Variants in MACROD1 observed in about 807,000 individuals in gnomAD.
MACROD1 encodes mono-ADP ribosylhydrolase 1.
A neutral mutation model predicts 41.4 loss-of-function variants in MACROD1; 31 were observed. The observed-to-expected ratio is 0.75, with a 90% CI of 0.56 to 1.01. The LOEUF (loss-of-function observed/expected upper bound fraction) is 1.01, where lower values mean the gene tolerates loss of function less well. Among genes scored for constraint, MACROD1 ranks in the 50% least tolerant of loss-of-function variants. The probability of loss-of-function intolerance (pLI) is 0.00; values close to 1 mark genes in which losing one functional copy is unlikely to be tolerated. For synonymous variants in MACROD1, 252 were observed against 203.4 expected (o/e 1.24, Z -2.03); for missense variants, 473 against 460.0 (o/e 1.03, Z -0.26).
intron 3 of MACROD1, chr11:64,116,635 T>A: frequency 6.2e-7 from 1 of 1,614,122 alleles, no homozygotes; most frequent in Non-Finnish European, 8.5e-7. Flanking sequence ...GAGTTCCCCA[T>A]CAACCTGCCC....
intron 3 of MACROD1, among the ~76,000 whole-genome samples, chr11:64,046,118 T>C (rs978599068): frequency 6.6e-6 from 1 of 152,064 alleles, no homozygotes; most frequent in African/African-American, 2.4e-5. Context: ...ACACAGGTTC[T>C]GAGCGGCAGG....
chr11:64,160,276 T>C (rs1256996226), intron 1 of MACROD1, among the ~76,000 whole-genome samples: 1 of 152,148 alleles, frequency 6.6e-6, no homozygotes, highest in East Asian at 1.9e-4. Context: ...CCATGAGGCT[T>C]TCCCATAGGG....
intron 3 of MACROD1, among the ~76,000 whole-genome samples, chr11:64,049,942 T>G (rs887364509): frequency 2.6e-5 from 4 of 152,224 alleles, no homozygotes; most frequent in Non-Finnish European, 5.9e-5. Flanking sequence ...CAAACCTCTC[T>G]CAGAGCCCTC....
chr11:64,153,217 A>G (rs2325785), intron 1 of MACROD1, among the ~76,000 whole-genome samples: 145,496 of 152,228 alleles, frequency 0.96, 69,875 homozygotes, highest in Middle Eastern at 1. Context: ...CGACCGCGCC[A>G]GGCCAGGCTA....
intron 3 of MACROD1, among the ~76,000 whole-genome samples, chr11:64,054,350 C>T (rs947484165): frequency 6.6e-6 from 1 of 152,190 alleles, no homozygotes; most frequent in Admixed American, 6.5e-5. Context: ...AGGAAAGAAG[C>T]GGCCACTTCT....
At chr11:64,084,436 T>C (rs973090704) in intron 3 of MACROD1, among the ~76,000 whole-genome samples, 2 of 152,008 alleles carry the variant, frequency 1.3e-5, no homozygotes, top group African/African-American at 2.4e-5. Flanking sequence ...CTCCCTGCAC[T>C]GTGGGCAGGC....
chr11:64,062,882 C>T (rs1943931834), intron 3 of MACROD1, among the ~76,000 whole-genome samples: 1 of 152,212 alleles, frequency 6.6e-6, no homozygotes, highest in Non-Finnish European at 1.5e-5. Context: ...TAGGCCAGTC[C>T]TTCCCAGCCC....
intron 3 of MACROD1, among the ~76,000 whole-genome samples, chr11:64,040,953 G>T (rs1943472932): frequency 6.6e-6 from 1 of 152,064 alleles, no homozygotes; most frequent in African/African-American, 2.4e-5. Flanking sequence ...GGGTCAAAGG[G>T]CATCCTCATG....
intron 3 of MACROD1, among the ~76,000 whole-genome samples, chr11:64,147,213 C>A (rs933070157): frequency 4.0e-5 from 6 of 150,108 alleles, no homozygotes; most frequent in African/African-American, 1.5e-4. Flanking sequence ...TACAGGCATG[C>A]ACCACCACAC....
At chr11:64,095,083 A>G (rs146468665) in intron 3 of MACROD1, among the ~76,000 whole-genome samples, 1 of 152,334 alleles carries the variant, frequency 6.6e-6, no homozygotes, top group East Asian at 1.9e-4. Flanking sequence ...AAAGGAAAAT[A>G]TACAATGAGA....
intron 3 of MACROD1, among the ~76,000 whole-genome samples, chr11:64,131,381 T>C (rs1945263543): frequency 6.6e-6 from 1 of 152,128 alleles, no homozygotes; most frequent in Non-Finnish European, 1.5e-5. Flanking sequence ...TCACCCAGGC[T>C]GGTGTACAGT....
At position 64,165,694 on chromosome 11, in the gene MACROD1, T is replaced by A; in HGVS notation, c.298+3A>T. Reference sequence around the variant, plus strand: ...CCTCGCGCCCCCTCGTGCTTACACTTACATTTCGCCTCCTTCCAGTCGGTG... The same window carrying A: ...CCTCGCGCCCCCTCGTGCTTACACTAACATTTCGCCTCCTTCCAGTCGGTG... On this transcript the variant is annotated splice_donor_region_variant and intron_variant, in intron 1 of 10. Transcript: ENST00000255681. 1 of 1,441,942 alleles carries A rather than the reference T, an allele frequency of 6.9e-7. No homozygotes were observed. Among genetic ancestry groups the A allele is most frequent in the South Asian group, 1.5e-5 (1 of 65,370 alleles). 89.3% of individuals were successfully genotyped at this position (1,441,942 alleles called of 1,614,324 possible). A position where few individuals can be genotyped will look rare whatever the true frequency, so the allele number is the denominator to read the frequency against.
chr11:64,050,463 A>G (rs1943672227), intron 3 of MACROD1, among the ~76,000 whole-genome samples: 1 of 151,826 alleles, frequency 6.6e-6, no homozygotes, highest in African/African-American at 2.4e-5. Context: ...CACTGCTTCC[A>G]CTCTGCCCCT....
chr11:64,132,016 C>T (rs746366128), intron 3 of MACROD1, among the ~76,000 whole-genome samples: 1 of 152,076 alleles, frequency 6.6e-6, no homozygotes, highest in Non-Finnish European at 1.5e-5. Context: ...AGTGGGGCCT[C>T]CCCATGCCGG....
intron 3 of MACROD1, among the ~76,000 whole-genome samples, chr11:64,079,932 G>C (rs1944274280): frequency 6.6e-6 from 1 of 152,154 alleles, no homozygotes; most frequent in Non-Finnish European, 1.5e-5. Context: ...ATCACAGGAA[G>C]GGACAAACTG....
At chr11:64,155,512 A>C (rs982535181) in intron 1 of MACROD1, among the ~76,000 whole-genome samples, 2 of 152,148 alleles carry the variant, frequency 1.3e-5, no homozygotes, top group African/African-American at 2.4e-5. Flanking sequence ...CCTTGCTAAC[A>C]CCCAGGCTTG....
At chr11:64,132,775 C>A (rs1310678878) in intron 3 of MACROD1, among the ~76,000 whole-genome samples, 1 of 152,196 alleles carries the variant, frequency 6.6e-6, no homozygotes, top group African/African-American at 2.4e-5. Flanking sequence ...CGCCCATCTG[C>A]GAGAGGCAAG....
intron 3 of MACROD1, among the ~76,000 whole-genome samples, chr11:64,139,281 C>T (rs1334634416): frequency 6.6e-6 from 1 of 152,176 alleles, no homozygotes; most frequent in Admixed American, 6.5e-5. Context: ...TCCTGACACC[C>T]GGCGCGGATA....
rs755567481 is a variant in MACROD1 at position 64,117,660 on chromosome 11, C to T, written c.517+33579G>A. ...GGCCACGCTCCCCGCCTCCTCTTTC[C>T]GGCTCAGTTGGCTGCGCCTGGGCCA... On this transcript the variant is annotated intron_variant, in intron 3 of 10. Transcript: ENST00000255681. 6.8e-6 allele frequency: 11 copies of T among 1,613,628 alleles called. No homozygotes were observed. Among genetic ancestry groups the T allele is most frequent in the Admixed American group, 5.0e-5 (3 of 60,012 alleles).
Sources: allele counts gnomAD v4.1 joint callset (sites outside exome capture counted in the v4.1 genomes callset), GRCh38; gene constraint gnomAD v4.1.1; transcripts MANE v1.5; gene names NCBI Gene and HGNC (gene_info 2026-07-23, HGNC 2026-07-21).